The following ACER2 variants were observed in gnomAD, a reference collection of about 807,000 sequenced individuals.
ACER2 encodes alkaline ceramidase 2.
A neutral mutation model predicts 34.7 loss-of-function variants in ACER2; 26 were observed. The observed-to-expected ratio is 0.75, with a 90% CI of 0.55 to 1.04. The LOEUF is 1.04. Among genes scored for constraint, ACER2 ranks in the 50% least tolerant of loss-of-function variants. The probability of loss-of-function intolerance (pLI) is 0.00; values close to 1 mark genes in which losing one functional copy is unlikely to be tolerated. For synonymous variants in ACER2, 138 were observed against 132.1 expected (o/e 1.04, Z -0.31); for missense variants, 352 against 340.8 (o/e 1.03, Z -0.26).
chr9:19,419,862 T>C (rs1489618208), intron 1 of ACER2, among the ~76,000 whole-genome samples: 1 of 152,182 alleles, frequency 6.6e-6, no homozygotes, highest in East Asian at 1.9e-4. Context: ...CAGACCTGGA[T>C]TTTAACCAAA....
rs931093580 is a variant in ACER2, at chr9:19,429,149, A to G, written c.365+4308A>G. Among the ~76,000 whole-genome samples, 21 of 152,204 alleles carry G rather than the reference A, an allele frequency of 1.4e-4. No homozygotes were observed. In the East Asian group the frequency reaches 4.1e-3, roughly 29 times the overall value. On this transcript the variant is annotated intron_variant, in intron 3 of 5. Coordinates refer to ENST00000340967, the MANE Select transcript of ACER2 (RefSeq NM_001010887.3). ...TTATGTAGGGAAATTATTAATGTTC[A>G]TTATGTCAATAGGATATAAATGTTG...
chr9:19,424,080 C>G (rs1476284881), intron 2 of ACER2, 104 bp downstream of exon 2: 10 of 1,089,872 alleles, frequency 9.2e-6, no homozygotes, highest in Middle Eastern at 2.0e-4. Context: ...GTTTTGTAAA[C>G]TGAAGTCACT....
At chr9:19,424,862 A>G in intron 3 of ACER2, 21 bp downstream of exon 3, 4 of 1,613,978 alleles carry the variant, frequency 2.5e-6, no homozygotes, top group Non-Finnish European at 3.4e-6. Flanking sequence ...ACTAAACATT[A>G]TTGCATTTAC....
chr9:19,409,038 G>C lies in ACER2; in HGVS notation c.-47G>C. ...CGTTTTGCCTCCGCAGCAGCTCTGG[G>C]CTCTTCTCAGCTGCGCGAGCAGCTG... On this transcript the variant is annotated 5_prime_UTR_variant, in exon 1 of 6. Transcript: ENST00000340967. The C allele has an allele frequency of 2.7e-6, 4 of 1,494,994 alleles. No homozygotes were observed. Among genetic ancestry groups the C allele is most frequent in the Non-Finnish European group, 3.6e-6 (4 of 1,112,724 alleles). 92.6% of individuals were successfully genotyped at this position (1,494,994 alleles called of 1,614,324 possible).
At chr9:19,424,134 G>T (rs981004476) in intron 2 of ACER2, among the ~76,000 whole-genome samples, 158 bp downstream of exon 2, 3 of 152,136 alleles carry the variant, frequency 2.0e-5, no homozygotes, top group Non-Finnish European at 4.4e-5. Context: ...CTTGAATGCA[G>T]GCTTGATAAC....
chr9:19,414,624 C>A (rs143974101), intron 1 of ACER2, among the ~76,000 whole-genome samples: 1 of 152,110 alleles, frequency 6.6e-6, no homozygotes, highest in African/African-American at 2.4e-5. Flanking sequence ...ATGGCAAAAC[C>A]CTACCCTGTC....
At chr9:19,432,944 C>T (rs1235026198) in intron 3 of ACER2, among the ~76,000 whole-genome samples, 2 of 151,340 alleles carry the variant, frequency 1.3e-5, no homozygotes, top group African/African-American at 2.4e-5. Context: ...TGCTGTAGAA[C>T]GTCTGAAAAA....
At chr9:19,432,851 C>A (rs1224556999) in intron 3 of ACER2, among the ~76,000 whole-genome samples, 1 of 151,086 alleles carries the variant, frequency 6.6e-6, no homozygotes, top group Non-Finnish European at 1.5e-5. Flanking sequence ...ACTTTGGCCT[C>A]CCAAAGTGCT....
At chr9:19,424,576 T>A (rs990731932) in intron 2 of ACER2, 124 bp from the exon 3 acceptor site, 2 of 1,496,340 alleles carry the variant, frequency 1.3e-6, no homozygotes, top group African/African-American at 1.4e-5. Flanking sequence ...TCAGTTTCTT[T>A]TTTCAGAGAG....
At chr9:19,439,700 G>A (rs1208589848) in intron 4 of ACER2, among the ~76,000 whole-genome samples, 1 of 152,200 alleles carries the variant, frequency 6.6e-6, no homozygotes, top group Non-Finnish European at 1.5e-5. Flanking sequence ...GGGCTTGGTG[G>A]CTCATGCCTG....
In ACER2 at chr9:19,439,344, C is replaced by CTTTTTTTTTTTTTTTTTTTTTTTTTTTT. The variant is rs55690063; in HGVS notation, c.503+4273_503+4274insTTTTTTTTTTTTTTTTTTTTTTTTTTTT. On this transcript the variant is annotated intron_variant, in intron 4 of 5. Coordinates refer to ENST00000340967, the MANE Select transcript of ACER2 (RefSeq NM_001010887.3). ...GCTGCTCCCTCTCTAAAGGGGCTTG[C>CTTTTTTTTTTTTTTTTTTTTTTTTTTTT]TTTTTTTTTTTTTGGAGACGTAGTC... Among the ~76,000 whole-genome samples the CTTTTTTTTTTTTTTTTTTTTTTTTTTTT allele has an allele frequency of 2.2e-5, 3 of 138,754 alleles. No individual in the cohort carries two copies. The Admixed American group carries it at 2.2e-4, about 10-fold the overall frequency. 91.0% of individuals were successfully genotyped at this position (138,754 alleles called of 152,430 possible). A position where few individuals can be genotyped will look rare whatever the true frequency, so the allele number is the denominator to read the frequency against.
chr9:19,439,133 A>G (rs74671549), intron 4 of ACER2, among the ~76,000 whole-genome samples: 2,689 of 152,274 alleles, frequency 0.018, 75 homozygotes, highest in African/African-American at 0.061. Flanking sequence ...AATTTGTTTC[A>G]TGCTTAAAAT....
rs373862748 is a variant in ACER2 at position 19,418,543 on chromosome 9, T to C, written c.109-5319T>C. The stretch of plus-strand genomic sequence containing the variant: ...CAAAAAAGGATGAGTTCATGTCCTT[T>C]GCAGGGACATGGATGAAGCTGGAAA... On this transcript the variant is annotated intron_variant, in intron 1 of 5. Transcript: ENST00000340967. Among the ~76,000 whole-genome samples the C allele has an allele frequency of 1.5e-3, 231 of 152,332 alleles. 2 individuals carry two copies. The highest frequency in any genetic ancestry group is 5.4e-3 in the African/African-American group (226 of 41,564).
chr9:19,419,310 T>C (rs1430787284), intron 1 of ACER2, among the ~76,000 whole-genome samples: 1 of 152,256 alleles, frequency 6.6e-6, no homozygotes, highest in East Asian at 1.9e-4. Context: ...TTCTTTTTCT[T>C]TTTTTCTTTT....
chr9:19,425,155 C>G (rs1830523442), intron 3 of ACER2, among the ~76,000 whole-genome samples: 2 of 152,296 alleles, frequency 1.3e-5, no homozygotes, highest in South Asian at 4.1e-4. Flanking sequence ...AATGCTTATT[C>G]AATACTCTTT....
chr9:19,420,042 C>T (rs10118089), intron 1 of ACER2, among the ~76,000 whole-genome samples: 19,761 of 152,196 alleles, frequency 0.13, 1,417 homozygotes, highest in South Asian at 0.25. Context: ...GCTGCCAGTC[C>T]TCACTTGCCC....
chr9:19,409,829 G>A, intron 1 of ACER2: 1 of 985,360 alleles, frequency 1.0e-6, no homozygotes, highest in Non-Finnish European at 1.2e-6. Flanking sequence ...GCTTTCTCCA[G>A]TTCTGAAGTC....
chr9:19,428,362 T>C (rs1830646743), intron 3 of ACER2, among the ~76,000 whole-genome samples: 1 of 151,954 alleles, frequency 6.6e-6, no homozygotes, highest in African/African-American at 2.4e-5. Flanking sequence ...GAGACGGGGT[T>C]TTGCCATGTT....
intron 4 of ACER2, 164 bp from the exon 5 acceptor site, chr9:19,446,117 A>T: frequency 9.9e-7 from 1 of 1,005,718 alleles, no homozygotes. Flanking sequence ...TACATATGGT[A>T]TTTACATCCA....
Sources: gnomAD v4.1 joint callset for allele counts (sites outside exome capture counted in the v4.1 genomes callset) on GRCh38, gnomAD v4.1.1 for gene constraint, MANE v1.5 for transcripts, NCBI Gene and HGNC (gene_info 2026-07-23, HGNC 2026-07-21) for gene names.